BOD1L1: variants seen among roughly 807,000 people sequenced by gnomAD.
BOD1L1 encodes the protein biorientation of chromosomes in cell division 1 like 1, also known as biorientation of chromosomes in cell division protein 1-like 1.
A neutral mutation model predicts 240.7 loss-of-function variants in BOD1L1; 86 were observed. That is an observed-to-expected ratio of 0.36 (90% CI 0.30 to 0.43). The LOEUF (loss-of-function observed/expected upper bound fraction) is 0.43, where lower values mean the gene tolerates loss of function less well. Ranked by LOEUF, BOD1L1 falls within the 20% of genes least tolerant of loss-of-function variation. The pLI, the probability that BOD1L1 is intolerant of heterozygous loss-of-function variation, is 1.00. For synonymous variants in BOD1L1, 1,268 were observed against 1,272.3 expected, an observed-to-expected ratio of 1.00 and a Z score of 0.07; for missense variants, 3,554 against 3,643.5, an observed-to-expected ratio of 0.98 and a Z score of 0.63.
intron 21 of BOD1L1, among the ~76,000 whole-genome samples, chr4:13,580,683 T>A (rs891557157): frequency 1.3e-5 from 2 of 152,178 alleles, no homozygotes; most frequent in Admixed American, 1.3e-4. Context: ...AGTAAGATGG[T>A]AAGACAACTC....
chr4:13,580,468 G>A (rs1413030438), intron 21 of BOD1L1, among the ~76,000 whole-genome samples: 2 of 152,180 alleles, frequency 1.3e-5, no homozygotes, highest in African/African-American at 2.4e-5. Context: ...GTGAACACAC[G>A]TCTGTCCTCC....
intron 12 of BOD1L1, chr4:13,592,167 G>A: frequency 2.0e-6 from 1 of 504,078 alleles, no homozygotes; most frequent in Non-Finnish European, 3.6e-6. Context: ...ACCAGAAAAA[G>A]ACAACATAAA....
chr4:13,599,545 C>T lies in BOD1L1; in HGVS notation c.7355G>A (p.Ser2452Asn), dbSNP rs1714920067. The T allele has an allele frequency of 2.5e-6, 4 of 1,614,018 alleles. No homozygotes were observed. Among genetic ancestry groups the T allele is most frequent in the Admixed American group, 1.7e-5 (1 of 60,026 alleles). The change falls in exon 10 of 26, where the codon AGC becomes AAC. Residue 2452 changes from serine to asparagine, a missense_variant. Transcript: ENST00000040738. ...GPFAGRGQKE[S>N]TLHLINAEEK... ...TTCTGCATTTATGAGGTGTAAAGTG[C>T]TCTCTTTCTGTCCTCTTCCTGCAAA... is the stretch of plus-strand genomic sequence containing the variant.
chr4:13,599,264 C>A lies in BOD1L1; in HGVS notation c.7636G>T (p.Val2546Leu), dbSNP rs145423365. The part of the protein sequence containing the change: ...ADDMPPVQGT[V>L]AEHSFLPAEQ... ...GCAGGAAGAAAGGAATGCTCAGCCACGGTCCCTTGAACAGGTGGCATGTCA... is the reference window on the plus strand; with the variant it reads ...GCAGGAAGAAAGGAATGCTCAGCCAAGGTCCCTTGAACAGGTGGCATGTCA... The change falls in exon 10 of 26, where the codon GTG becomes TTG. Residue 2546 changes from valine (V) to leucine (L), a missense_variant. Val to Leu is a conservative substitution (Grantham distance 32). Coordinates refer to ENST00000040738, the MANE Select transcript of BOD1L1 (RefSeq NM_148894.3). 1.9e-6 allele frequency: 3 copies of A among 1,613,670 alleles called. No homozygotes were observed. The highest frequency in any genetic ancestry group is 2.2e-5 in the East Asian group (1 of 44,868).
intron 5 of BOD1L1, 48 bp from the exon 6 acceptor site, chr4:13,611,148 A>ATGTTG: frequency 1.4e-6 from 2 of 1,389,724 alleles, no homozygotes; most frequent in Non-Finnish European, 2.0e-6. Context: ...AATTAGCATA[A>ATGTTG]AATCAACATT....
chr4:13,613,697 ATCT>A lies in BOD1L1; in HGVS notation c.1175-39_1175-37del. 1 of 1,453,434 alleles carries A rather than the reference ATCT, an allele frequency of 6.9e-7. No individual in the cohort carries two copies. The highest frequency in any genetic ancestry group is 9.2e-7 in the Non-Finnish European group (1 of 1,083,484). 90.0% of individuals were successfully genotyped at this position (1,453,434 alleles called of 1,614,324 possible). ...AAAATAAAACACAGAAAAAAAAATC[ATCT>A]TATTATAAGAACATACTCAGAGCTC... On this transcript the variant is annotated intron_variant, in intron 4 of 25. Transcript: ENST00000040738. This position sits in a 1 kb window ranked among gnomAD's most constrained non-coding sequence, Gnocchi z 4.0.
rs576917085 is a variant in BOD1L1 at position 13,619,090 on chromosome 4, A to T, written c.368+853T>A. On this transcript the variant is annotated intron_variant, in intron 2 of 25. Transcript: ENST00000040738. Reference sequence around the variant, plus strand: ...ATAATCCCAGCACTTTCAGAAGCCAAGGAGGGAAGATCCCTTGAGCCTAGG... The same window carrying T: ...ATAATCCCAGCACTTTCAGAAGCCATGGAGGGAAGATCCCTTGAGCCTAGG... Among the ~76,000 whole-genome samples the T allele has an allele frequency of 6.6e-4, 100 of 152,250 alleles. 2 individuals carry two copies. Among genetic ancestry groups the T allele is most frequent in the Non-Finnish European group, 2.1e-4 (14 of 68,008 alleles).
chr4:13,595,728 T>G (rs1357272403), intron 12 of BOD1L1, 132 bp downstream of exon 12: 1 of 617,030 alleles, frequency 1.6e-6, no homozygotes, highest in East Asian at 2.8e-5. Context: ...CTCCCTAATC[T>G]ATTTTAAAAA....
chr4:13,576,566 T>TTA (rs1353876243), intron 25 of BOD1L1, among the ~76,000 whole-genome samples: 139 of 152,256 alleles, frequency 9.1e-4, no homozygotes, highest in African/African-American at 3.2e-3. Flanking sequence ...TGGCAGATGC[T>TTA]CAAAAAATAT....
At position 13,602,117 on chromosome 4, in the gene BOD1L1, C is replaced by A. The variant is rs1459101534; in HGVS notation, c.4783G>T (p.Val1595Phe). 6.2e-7 allele frequency: 1 copy of A among 1,614,030 alleles called. No individual in the cohort carries two copies. The highest frequency in any genetic ancestry group is 8.5e-7 in the Non-Finnish European group (1 of 1,179,898). The change falls in exon 10 of 26, where the codon GTT becomes TTT. Residue 1595 changes from valine to phenylalanine, a missense_variant. This residue lies in a region of BOD1L1 where 3,393 missense variants were observed against 3,427.1 expected (regional missense o/e 0.99). Transcript: ENST00000040738. ...CTTTCAGCAAATCCCTCTGTGACAACAGCCCCACCTTCTTCAGCTGCAGCA... is the reference window on the plus strand; with the variant it reads ...CTTTCAGCAAATCCCTCTGTGACAAAAGCCCCACCTTCTTCAGCTGCAGCA... ...VFAAAEEGGAVVTEGFAESET... is the reference protein window; with the variant it reads ...VFAAAEEGGAFVTEGFAESET...
At chr4:13,588,038 A>T (rs1337925195) in intron 15 of BOD1L1, among the ~76,000 whole-genome samples, 1 of 152,136 alleles carries the variant, frequency 6.6e-6, no homozygotes, top group East Asian at 1.9e-4. Context: ...ACAGAAAAAA[A>T]TTAGCTGGGC....
chr4:13,611,439 C>T (rs180743086), intron 5 of BOD1L1, among the ~76,000 whole-genome samples: 7 of 152,330 alleles, frequency 4.6e-5, no homozygotes, highest in African/African-American at 1.2e-4. Context: ...AGCTCTGCTT[C>T]GCAACACCAG....
In BOD1L1 at chr4:13,613,912, A is replaced by C. The variant is rs1265676510; in HGVS notation, c.1175-251T>G. 6.6e-6 allele frequency among the ~76,000 whole-genome samples: 1 copy of C among 152,188 alleles called. No homozygotes were observed. The highest frequency in any genetic ancestry group is 1.5e-5 in the Non-Finnish European group (1 of 68,010). ...TAACTGAAGTATTTACTACCTAATA[A>C]AAATTAGGATATCCAACTATGAACT... is the stretch of plus-strand genomic sequence containing the variant. On this transcript the variant is annotated intron_variant, in intron 4 of 25. Transcript: ENST00000040738. This position sits in a 1 kb window ranked among gnomAD's most constrained non-coding sequence, Gnocchi z 4.0.
chr4:13,604,760 T>C lies in BOD1L1; in HGVS notation c.2140A>G (p.Lys714Glu). The change falls in exon 10 of 26, where the codon AAA (lysine) becomes GAA (glutamate). Residue 714 changes from lysine to glutamate, a missense_variant. By Grantham distance (56) the Lys-to-Glu change is moderately conservative. Coordinates refer to ENST00000040738, the MANE Select transcript of BOD1L1 (RefSeq NM_148894.3). ...KKDDSETPHL[K>E]SLLKKEVKSS... ...TTCACCTCTTTCTTAAGTAGGCTTTTCAAATGTGGTGTTTCAGAATCATCT... is the reference window on the plus strand; with the variant it reads ...TTCACCTCTTTCTTAAGTAGGCTTTCCAAATGTGGTGTTTCAGAATCATCT... The C allele has an allele frequency of 6.2e-7, 1 of 1,613,322 alleles. No homozygotes were observed. The highest frequency in any genetic ancestry group is 1.1e-5 in the South Asian group (1 of 90,816).
rs1174519672 is a variant in BOD1L1 at position 13,601,510 on chromosome 4, G to C, written c.5390C>G (p.Thr1797Arg). ...ACTTGCTGGCCCCTCTCCATCTTCT[G>C]TTATCCCCGTGCTGGTGACTGCACT... ...GESAVTSTGI[T>R]EDGEGPASCT... is the part of the protein sequence containing the mutation. Residue 1797 changes from threonine (T) to arginine (R), a missense_variant, in exon 10 of 26, where the codon ACA becomes AGA. Physicochemically the swap from Thr to Arg is moderately conservative, Grantham distance 71. Coordinates refer to ENST00000040738, the MANE Select transcript of BOD1L1 (RefSeq NM_148894.3). 1 of 1,613,948 alleles carries C rather than the reference G, an allele frequency of 6.2e-7. No individual in the cohort carries two copies. The highest frequency in any genetic ancestry group is 1.1e-5 in the South Asian group (1 of 91,082).
At chr4:13,571,346 G>A (rs28616084) in intron 25 of BOD1L1, among the ~76,000 whole-genome samples, 3,216 of 152,310 alleles carry the variant, frequency 0.021, 119 homozygotes, top group African/African-American at 0.074. Context: ...ATGAAGACAC[G>A]TCTTCCGTTT....
At chr4:13,575,896 T>C (rs76117397) in intron 25 of BOD1L1, among the ~76,000 whole-genome samples, 5 of 99,414 alleles carry the variant, frequency 5.0e-5, no homozygotes, top group African/African-American at 1.8e-4. Context: ...TGCCAAACCC[T>C]TTTTTTTTTT....
Position 13,600,165 on chromosome 4 carries a change from T to C in BOD1L1, c.6735A>G (p.Thr2245=), listed in dbSNP as rs138504095. 983 of 1,614,012 alleles carry C rather than the reference T, an allele frequency of 6.1e-4. 2 individuals carry two copies. Among genetic ancestry groups the C allele is most frequent in the South Asian group, 1.5e-3 (137 of 91,084 alleles). ...VVESENERAG[T]VMEEKDGSGI... is the part of the protein sequence containing the mutation. Reference sequence around the variant, plus strand: ...CACTCCCGTCTTTTTCTTCCATGACTGTGCCAGCTCGCTCATTTTCACTTT... The same window carrying C: ...CACTCCCGTCTTTTTCTTCCATGACCGTGCCAGCTCGCTCATTTTCACTTT... Residue 2245 remains threonine, a synonymous_variant, in exon 10 of 26, where the codon ACA becomes ACG. Transcript: ENST00000040738.
In BOD1L1 at chr4:13,603,479, G is replaced by A. The variant is rs754271734; in HGVS notation, c.3421C>T (p.Arg1141Cys). ...ATGTCTTGCTGAGAATTATTATTGC[G>A]GTTGTCTTGGGTTTTAGATACTTCA... ...VFEVSKTQDN[R>C]NNNSQQDIDS... Residue 1141 changes from arginine to cysteine, a missense_variant, in exon 10 of 26, where the codon CGC becomes TGC. Arg to Cys is a radical substitution (Grantham distance 180). Transcript: ENST00000040738. 40 of 1,613,688 alleles carry A rather than the reference G, an allele frequency of 2.5e-5. No individual in the cohort carries two copies. Among genetic ancestry groups the A allele is most frequent in the Middle Eastern group, 1.6e-4 (1 of 6,084 alleles).
Sources: gnomAD v4.1 joint callset for allele counts (sites outside exome capture counted in the v4.1 genomes callset) on GRCh38, gnomAD v4.1.1 for gene constraint, gnomAD v4.1.1 regional missense constraint, Gnocchi (gnomAD v3.1) non-coding constraint, MANE v1.5 for transcripts, NCBI Gene and HGNC (gene_info 2026-07-23, HGNC 2026-07-21) for gene names.